C1orf21: variants seen among roughly 807,000 people sequenced by gnomAD.
The protein encoded by C1orf21 is uncharacterized protein C1orf21.
A neutral mutation model predicts 18.7 loss-of-function variants in C1orf21; 3 were observed. The observed-to-expected ratio is 0.16, with a 90% CI of 0.07 to 0.42. C1orf21 has a LOEUF of 0.42. Ranked by LOEUF, C1orf21 falls within the 10% of genes least tolerant of loss-of-function variation. The pLI is 0.99. For missense variants in C1orf21, 104 were observed against 143.6 expected, an observed-to-expected ratio of 0.72 and a Z score of 1.41; for synonymous variants, 41 against 46.4, an observed-to-expected ratio of 0.88 and a Z score of 0.47.
chr1:184,437,998 G>A lies in C1orf21; in HGVS notation c.-124-39388G>A, dbSNP rs1656885109. On this transcript the variant is annotated intron_variant, in intron 1 of 5. Coordinates refer to ENST00000235307, the MANE Select transcript of C1orf21 (RefSeq NM_030806.4). Reference sequence around the variant, plus strand: ...TCATCTGACAGGAGGCAGAACTCAGGCAGGAATGGGATCAATGGGGAGCTG... The same window carrying A: ...TCATCTGACAGGAGGCAGAACTCAGACAGGAATGGGATCAATGGGGAGCTG... 2.0e-5 allele frequency among the ~76,000 whole-genome samples: 3 copies of A among 152,130 alleles called. No individual in the cohort carries two copies. In the South Asian group the frequency reaches 6.2e-4, roughly 32 times the overall value.
chr1:184,553,239 G>C (rs139500203), intron 3 of C1orf21, among the ~76,000 whole-genome samples: 137 of 152,222 alleles, frequency 9.0e-4, no homozygotes, highest in African/African-American at 2.6e-3. Flanking sequence ...TAAGTCCAAG[G>C]GGGGGAGAAA....
intron 1 of C1orf21, among the ~76,000 whole-genome samples, chr1:184,445,392 T>TCTC: frequency 6.8e-6 from 1 of 147,696 alleles, no homozygotes; most frequent in African/African-American, 2.6e-5. Flanking sequence ...GCTGCTCTCC[T>TCTC]TCTCCTTTCT....
intron 1 of C1orf21, among the ~76,000 whole-genome samples, chr1:184,394,522 A>G (rs1462690902): frequency 6.6e-6 from 1 of 152,188 alleles, no homozygotes; most frequent in East Asian, 1.9e-4. Flanking sequence ...AGCCATTCCT[A>G]AAAGCTTCTT....
chr1:184,519,587 GTT>G (rs1658277111), intron 3 of C1orf21, among the ~76,000 whole-genome samples: 1 of 150,692 alleles, frequency 6.6e-6, no homozygotes, highest in Non-Finnish European at 1.5e-5. Context: ...CTGGGCCACT[GTT>G]ACTAGAGTAC....
At position 184,394,166 on chromosome 1, in the gene C1orf21, G is replaced by A. The variant is rs568747127; in HGVS notation, c.-125+6798G>A. 2.8e-4 allele frequency among the ~76,000 whole-genome samples: 42 copies of A among 152,300 alleles called. 1 individual carries two copies. In the East Asian group the frequency reaches 8.1e-3, roughly 29 times the overall value. ...TACTTCAAAAGTAGATCCAACATTT[G>A]TTATGCAATATCCTGAGTGCTTTAG... On this transcript the variant is annotated intron_variant, in intron 1 of 5. Transcript: ENST00000235307.
chr1:184,481,237 G>A (rs911281797), intron 2 of C1orf21, among the ~76,000 whole-genome samples: 15 of 152,112 alleles, frequency 9.9e-5, no homozygotes, highest in Admixed American at 2.6e-4. Context: ...GCTCTCAGTC[G>A]CATTCCACAG....
Position 184,577,946 on chromosome 1 carries a change from TG to T in C1orf21, c.190-12792del, listed in dbSNP as rs1255756701. On this transcript the variant is annotated intron_variant, in intron 3 of 5. Coordinates refer to ENST00000235307, the MANE Select transcript of C1orf21 (RefSeq NM_030806.4). ...TTCTTTGTCCGTTTGTTTTTTGTTT[TG>T]TTTTTGTTTTTTTTTTTTTTTTTTG... 5.2e-3 allele frequency among the ~76,000 whole-genome samples: 648 copies of T among 124,418 alleles called. 8 individuals carry two copies. The highest frequency in any genetic ancestry group is 0.019 in the African/African-American group (565 of 30,060). 81.6% of individuals were successfully genotyped at this position (124,418 alleles called of 152,430 possible). A position where few individuals can be genotyped will look rare whatever the true frequency, so the allele number is the denominator to read the frequency against.
chr1:184,601,215 C>CT, intron 5 of C1orf21, among the ~76,000 whole-genome samples: 1 of 152,134 alleles, frequency 6.6e-6, no homozygotes, highest in Non-Finnish European at 1.5e-5. Flanking sequence ...ACTAGTAATT[C>CT]TTTTTTTCTC....
At chr1:184,427,971 C>A (rs1353428243) in intron 1 of C1orf21, among the ~76,000 whole-genome samples, 2 of 152,158 alleles carry the variant, frequency 1.3e-5, no homozygotes, top group Non-Finnish European at 2.9e-5. Flanking sequence ...AATGACTTAT[C>A]TAAAACAAGA....
intron 2 of C1orf21, among the ~76,000 whole-genome samples, chr1:184,505,003 A>G (rs570962053): frequency 6.6e-5 from 10 of 152,282 alleles, no homozygotes; most frequent in Admixed American, 3.3e-4. Context: ...GGAAAAACAT[A>G]TTGGAAAAGT....
chr1:184,453,339 CTTCTGACGG>C (rs989205574), intron 1 of C1orf21, among the ~76,000 whole-genome samples: 46 of 152,280 alleles, frequency 3.0e-4, no homozygotes, highest in African/African-American at 1.0e-3. Context: ...GAAAGCAGTG[CTTCTGACGG>C]TTCTGACGGT....
At chr1:184,581,591 T>C (rs1043667736) in intron 3 of C1orf21, among the ~76,000 whole-genome samples, 9 of 152,222 alleles carry the variant, frequency 5.9e-5, no homozygotes, top group African/African-American at 2.2e-4. Context: ...AACTTGGAGA[T>C]ATATTATCTT....
intron 4 of C1orf21, among the ~76,000 whole-genome samples, chr1:184,596,314 T>C (rs1466166823): frequency 6.6e-6 from 1 of 152,190 alleles, no homozygotes; most frequent in African/African-American, 2.4e-5. Flanking sequence ...TCACCCCTGC[T>C]GACAAACTCT....
At chr1:184,436,775 A>T (rs1219458266) in intron 1 of C1orf21, among the ~76,000 whole-genome samples, 1 of 152,174 alleles carries the variant, frequency 6.6e-6, no homozygotes, top group Non-Finnish European at 1.5e-5. Flanking sequence ...TGTGCTGGGA[A>T]TATGGCTGCA....
chr1:184,472,914 C>T (rs1482976590), intron 1 of C1orf21, among the ~76,000 whole-genome samples: 1 of 152,070 alleles, frequency 6.6e-6, no homozygotes, highest in Non-Finnish European at 1.5e-5. Context: ...TAAACATGCA[C>T]GGTTATACAT....
chr1:184,618,111 T>C (rs538867426), intron 5 of C1orf21, among the ~76,000 whole-genome samples: 2 of 152,172 alleles, frequency 1.3e-5, no homozygotes, highest in Admixed American at 6.5e-5. Flanking sequence ...GGTTTCACCA[T>C]GTTGGTCAGG....
chr1:184,541,834 G>A (rs955739886), intron 3 of C1orf21, among the ~76,000 whole-genome samples: 6 of 152,300 alleles, frequency 3.9e-5, no homozygotes, highest in African/African-American at 1.2e-4. Flanking sequence ...ACGGACTGGC[G>A]TGCAGAGTTG....
intron 1 of C1orf21, among the ~76,000 whole-genome samples, chr1:184,462,962 A>G (rs772363651): frequency 6.6e-5 from 10 of 151,684 alleles, no homozygotes; most frequent in Non-Finnish European, 1.5e-4. Flanking sequence ...GGTGCCTGTA[A>G]TCCCATTTAC....
At chr1:184,565,018 C>G (rs1167436738) in intron 3 of C1orf21, among the ~76,000 whole-genome samples, 1 of 152,170 alleles carries the variant, frequency 6.6e-6, no homozygotes, top group African/African-American at 2.4e-5. Flanking sequence ...CCTTTACTCT[C>G]TCTAGACGTT....
Sources: allele counts gnomAD v4.1 joint callset (sites outside exome capture counted in the v4.1 genomes callset), GRCh38; gene constraint gnomAD v4.1.1; transcripts MANE v1.5; gene names NCBI Gene and HGNC (gene_info 2026-07-23, HGNC 2026-07-21).